The following PEX14 variants were observed in gnomAD, a reference collection of about 807,000 sequenced individuals.
PEX14 encodes peroxisomal membrane protein PEX14.
Under a neutral mutation model 49.5 loss-of-function variants are expected in PEX14, and 15 were observed. The ratio of observed to expected loss-of-function variants is 0.30; its 90% CI spans 0.20 to 0.47. The LOEUF (loss-of-function observed/expected upper bound fraction) is 0.47. PEX14 is among the 20% of genes least tolerant of loss of function. The pLI is 1.00. For synonymous variants in PEX14, 210 were observed against 212.7 expected (o/e 0.99, Z 0.11); for missense variants, 398 against 494.8 (o/e 0.80, Z 1.86).
intron 2 of PEX14, among the ~76,000 whole-genome samples, chr1:10,503,936 G>A (rs1466590484): frequency 6.6e-6 from 1 of 152,062 alleles, no homozygotes; most frequent in Non-Finnish European, 1.5e-5. Context: ...GTTTTGCCAT[G>A]TTGGCCAGGC....
At position 10,613,022 on chromosome 1, in the gene PEX14, G is replaced by A. The variant is rs768016418; in HGVS notation, c.299-5310G>A. 3.3e-5 allele frequency among the ~76,000 whole-genome samples: 5 copies of A among 152,212 alleles called. No homozygotes were observed. The highest frequency in any genetic ancestry group is 7.3e-5 in the Non-Finnish European group (5 of 68,046). On this transcript the variant is annotated intron_variant, in intron 4 of 8. Transcript: ENST00000356607. This position sits in a 1 kb window ranked among gnomAD's most constrained non-coding sequence, Gnocchi z 5.0. Reference sequence around the variant, plus strand: ...CCTCTTGTCAGCCAGCACATCACTGGAGTGCCTGTTGTCTCGGCAGGATGG... The same window carrying A: ...CCTCTTGTCAGCCAGCACATCACTGAAGTGCCTGTTGTCTCGGCAGGATGG...
intron 5 of PEX14, among the ~76,000 whole-genome samples, chr1:10,621,100 G>A (rs772956674): frequency 1.3e-5 from 2 of 151,310 alleles, no homozygotes; most frequent in East Asian, 1.9e-4. Flanking sequence ...TGGGCTCTCC[G>A]CTCTGTTTTA....
chr1:10,555,405 G>A (rs1570259241), intron 3 of PEX14, among the ~76,000 whole-genome samples: 1 of 151,944 alleles, frequency 6.6e-6, no homozygotes, highest in African/African-American at 2.4e-5. Context: ...AGGAAAACAT[G>A]CTAAAAATGA....
chr1:10,562,677 G>A (rs989235753), intron 3 of PEX14, among the ~76,000 whole-genome samples: 19 of 152,300 alleles, frequency 1.2e-4, no homozygotes, highest in South Asian at 1.0e-3. Context: ...TCTGTTGGTT[G>A]AAGTGGTATC....
chr1:10,630,238 AAGT>A lies in PEX14; in HGVS notation c.*252_*254del. ...CCCAGCTGCCTTTGGCTTTGATCTCAAGTCAGGCTGAAGGCAGCGAAGCCTCGG... is the reference window on the plus strand; with the variant it reads ...CCCAGCTGCCTTTGGCTTTGATCTCACAGGCTGAAGGCAGCGAAGCCTCGG... On this transcript the variant is annotated 3_prime_UTR_variant, in exon 9 of 9. Transcript: ENST00000356607. This position sits in a 1 kb window ranked among gnomAD's most constrained non-coding sequence, Gnocchi z 4.1. 1.7e-6 allele frequency: 1 copy of A among 600,924 alleles called. No individual in the cohort carries two copies. Among genetic ancestry groups the A allele is most frequent in the Non-Finnish European group, 2.9e-6 (1 of 348,970 alleles). The allele number at this position is 600,924 out of a possible 1,614,324, so 37.2% of individuals were successfully genotyped here.
intron 3 of PEX14, among the ~76,000 whole-genome samples, chr1:10,592,836 C>T (rs915239694): frequency 5.3e-5 from 8 of 152,238 alleles, no homozygotes; most frequent in East Asian, 1.9e-4. Context: ...ACTGTTAAAG[C>T]GGCCTTTTGT....
At chr1:10,604,651 G>A (rs78645175) in intron 4 of PEX14, among the ~76,000 whole-genome samples, 3,691 of 152,176 alleles carry the variant, frequency 0.024, 66 homozygotes, top group Non-Finnish European at 0.035. Context: ...TGTTCAGAGT[G>A]GCTGGAGCAT....
At chr1:10,519,704 C>T (rs1642032907) in intron 2 of PEX14, among the ~76,000 whole-genome samples, 1 of 152,224 alleles carries the variant, frequency 6.6e-6, no homozygotes, top group African/African-American at 2.4e-5. Context: ...AGCTACCTAA[C>T]TTTTCTTTCC....
chr1:10,503,302 AAAAAG>A (rs1365254082), intron 2 of PEX14, among the ~76,000 whole-genome samples: 2 of 96,436 alleles, frequency 2.1e-5, no homozygotes, highest in African/African-American at 3.1e-5. Flanking sequence ...AAAAAAAAAA[AAAAAG>A]AAAGAAAGAA....
At chr1:10,608,771 C>T (rs1641196280) in intron 4 of PEX14, among the ~76,000 whole-genome samples, 1 of 151,710 alleles carries the variant, frequency 6.6e-6, no homozygotes, top group South Asian at 2.1e-4. Context: ...TCGAAGTATA[C>T]TTTATATGTC....
At chr1:10,621,276 C>G (rs1641583605) in intron 5 of PEX14, among the ~76,000 whole-genome samples, 1 of 151,304 alleles carries the variant, frequency 6.6e-6, no homozygotes, top group African/African-American at 2.4e-5. Context: ...CGTGTCTGCT[C>G]CTGCCCTTAG....
intron 3 of PEX14, among the ~76,000 whole-genome samples, chr1:10,563,954 A>G (rs79335262): frequency 0.012 from 1,846 of 151,796 alleles, 15 homozygotes; most frequent in Non-Finnish European, 0.02. Flanking sequence ...TCTGGCTTCT[A>G]TTGTCATCTT....
intron 1 of PEX14, among the ~76,000 whole-genome samples, chr1:10,489,660 C>A (rs1038067124): frequency 6.6e-6 from 1 of 152,228 alleles, no homozygotes; most frequent in Non-Finnish European, 1.5e-5. Flanking sequence ...AGACAGATTT[C>A]TGGACCACTT....
At position 10,536,214 on chromosome 1, in the gene PEX14, T is replaced by C. The variant is rs748027790; in HGVS notation, c.86T>C (p.Ile29Thr). The C allele has an allele frequency of 1.3e-6, 2 of 1,597,770 alleles. No homozygotes were observed. The highest frequency in any genetic ancestry group is 8.6e-7 in the Non-Finnish European group (1 of 1,165,008). Reference protein sequence around the residue: ...SENVLPREPLIATAVKFLQNS... With the variant: ...SENVLPREPLTATAVKFLQNS... The stretch of plus-strand genomic sequence containing the variant: ...CCTCTATTTTCTCTCTCTCACCAGA[T>C]TGCCACGGCAGTGAAGTTTCTACAG... The change falls in exon 3 of 9, where the codon ATT (isoleucine) becomes ACT (threonine). Residue 29 changes from isoleucine to threonine, a missense_variant and splice_region_variant. Ile to Thr is a moderately conservative substitution (Grantham distance 89). Transcript: ENST00000356607.
chr1:10,494,771 T>G lies in PEX14; in HGVS notation c.37-503T>G, dbSNP rs2124400887. Reference sequence around the variant, plus strand: ...GGAACCTGTGTAGTTTACTGGCTTCTGGGCTCCAGAAACTAGATGCCCAGA... The same window carrying G: ...GGAACCTGTGTAGTTTACTGGCTTCGGGGCTCCAGAAACTAGATGCCCAGA... On this transcript the variant is annotated intron_variant, in intron 1 of 8. Transcript: ENST00000356607. The surrounding 1 kb of genome is among the most constrained non-coding windows in gnomAD (Gnocchi z 4.3). Among the ~76,000 whole-genome samples the G allele has an allele frequency of 6.6e-6, 1 of 152,346 alleles. No homozygotes were observed. Among genetic ancestry groups the G allele is most frequent in the Admixed American group, 6.5e-5 (1 of 15,304 alleles).
At position 10,627,461 on chromosome 1, in the gene PEX14, C is replaced by T. The variant is rs528720852; in HGVS notation, c.677+98C>T. The T allele has an allele frequency of 7.1e-5, 60 of 847,268 alleles. 1 individual carries two copies. The African/African-American group carries it at 9.0e-4, about 13-fold the overall frequency. The allele number at this position is 847,268 out of a possible 1,614,324, so 52.5% of individuals were successfully genotyped here. On this transcript the variant is annotated intron_variant, in intron 8 of 8. Transcript: ENST00000356607. Reference sequence around the variant, plus strand: ...GGGGCATGACGCCCACCCCCACCCCCAAGGACCCCATCTGTCTGGGCGACT... The same window carrying T: ...GGGGCATGACGCCCACCCCCACCCCTAAGGACCCCATCTGTCTGGGCGACT...
chr1:10,535,511 C>T (rs2124480847), intron 2 of PEX14, among the ~76,000 whole-genome samples: 1 of 152,328 alleles, frequency 6.6e-6, no homozygotes, highest in South Asian at 2.1e-4. Context: ...GGTGTTGTCT[C>T]CGACATAATC....
chr1:10,496,207 T>G (rs1641557544), intron 2 of PEX14, among the ~76,000 whole-genome samples: 1 of 152,144 alleles, frequency 6.6e-6, no homozygotes, highest in South Asian at 2.1e-4. Flanking sequence ...GAGGGCGAGT[T>G]GGATCCAGTT....
At chr1:10,588,450 C>T (rs1640566081) in intron 3 of PEX14, among the ~76,000 whole-genome samples, 1 of 152,188 alleles carries the variant, frequency 6.6e-6, no homozygotes, top group Non-Finnish European at 1.5e-5. Flanking sequence ...AGTGGACCCC[C>T]TTTATCCATA....
Sources: gnomAD v4.1 joint callset for allele counts (sites outside exome capture counted in the v4.1 genomes callset) on GRCh38, gnomAD v4.1.1 for gene constraint, Gnocchi (gnomAD v3.1) non-coding constraint, MANE v1.5 for transcripts, NCBI Gene and HGNC (gene_info 2026-07-23, HGNC 2026-07-21) for gene names.